PRKN: variants seen among roughly 807,000 people sequenced by gnomAD.
The protein encoded by PRKN is parkin RBR E3 ubiquitin protein ligase.
Under a neutral mutation model 59.5 loss-of-function variants are expected in PRKN, and 56 were observed. The observed-to-expected ratio is 0.94, with a 90% confidence interval of 0.76 to 1.18. The LOEUF (loss-of-function observed/expected upper bound fraction) is 1.18, where lower values mean the gene tolerates loss of function less well. Among genes scored for constraint, PRKN ranks in the 50% most tolerant of loss-of-function variants. The pLI, the probability that PRKN is intolerant of heterozygous loss-of-function variation, is 0.00. For synonymous variants in PRKN, 250 were observed against 222.1 expected, an observed-to-expected ratio of 1.13 and a Z score of -1.12; for missense variants, 657 against 596.4, an observed-to-expected ratio of 1.10 and a Z score of -1.06.
chr6:161,730,237 T>A (rs1384070442), intron 7 of PRKN, among the ~76,000 whole-genome samples: 1 of 150,846 alleles, frequency 6.6e-6, no homozygotes, highest in Non-Finnish European at 1.5e-5. Context: ...TTCTTTCTGA[T>A]ATGTTGCAGT....
At chr6:162,302,137 T>C (rs1050872638) in intron 2 of PRKN, among the ~76,000 whole-genome samples, 1 of 152,060 alleles carries the variant, frequency 6.6e-6, no homozygotes, top group African/African-American at 2.4e-5. Context: ...TCAAAATGTG[T>C]TTGCATTTAG....
At chr6:161,981,201 G>C (rs1781246316) in intron 5 of PRKN, among the ~76,000 whole-genome samples, 2 of 151,902 alleles carry the variant, frequency 1.3e-5, no homozygotes, top group African/African-American at 4.8e-5. Flanking sequence ...CTAAAATCCT[G>C]TTTGTAGCTA....
chr6:162,538,871 G>A (rs900961490), intron 1 of PRKN, among the ~76,000 whole-genome samples: 1 of 152,182 alleles, frequency 6.6e-6, no homozygotes, highest in African/African-American at 2.4e-5. Context: ...ACACATGCTT[G>A]GTAGCATGGG....
intron 7 of PRKN, among the ~76,000 whole-genome samples, chr6:161,613,746 C>T (rs956371096): frequency 2.6e-5 from 4 of 152,216 alleles, no homozygotes; most frequent in African/African-American, 9.6e-5. Context: ...TGGGCTGGAA[C>T]TGAATCTGCA....
chr6:161,674,312 T>C (rs1030556532), intron 7 of PRKN, among the ~76,000 whole-genome samples: 1 of 152,070 alleles, frequency 6.6e-6, no homozygotes, highest in Non-Finnish European at 1.5e-5. Flanking sequence ...TTATTTTTAA[T>C]CTAGTATCTC....
chr6:162,509,930 G>T (rs2128190070), intron 1 of PRKN, among the ~76,000 whole-genome samples: 1 of 152,208 alleles, frequency 6.6e-6, no homozygotes, highest in East Asian at 1.9e-4. Flanking sequence ...ATATACAAAA[G>T]AAAATAGGCA....
rs564157791 is a variant in PRKN at position 161,911,561 on chromosome 6, T to C, written c.734+61741A>G. ...GTCCCCCAACCCTGGATAATGTCTC[T>C]GTTTTCCATGTACCTAAAAACATTG... On this transcript the variant is annotated intron_variant, in intron 6 of 11. Transcript: ENST00000366898. Among the ~76,000 whole-genome samples, 12 of 152,326 alleles carry C rather than the reference T, an allele frequency of 7.9e-5. No homozygotes were observed. In the East Asian group the frequency reaches 2.3e-3, roughly 29 times the overall value.
intron 1 of PRKN, among the ~76,000 whole-genome samples, chr6:162,699,330 T>C (rs548014683): frequency 1.9e-4 from 29 of 151,958 alleles, no homozygotes; most frequent in Non-Finnish European, 3.2e-4. Context: ...TGCTGAAATA[T>C]GGGGAAAAGG....
intron 6 of PRKN, among the ~76,000 whole-genome samples, chr6:161,895,504 CCCA>C (rs1777581703): frequency 7.5e-6 from 1 of 132,932 alleles, no homozygotes; most frequent in African/African-American, 3.5e-5. Context: ...GTACGCCCAC[CCCA>C]CCTGCCGTTA....
intron 1 of PRKN, among the ~76,000 whole-genome samples, chr6:162,634,312 C>T (rs192925599): frequency 1.3e-5 from 2 of 152,238 alleles, no homozygotes; most frequent in East Asian, 3.9e-4. Flanking sequence ...CCTCCTCCTC[C>T]TCTTCCTTCC....
rs146388648 is a variant in PRKN at position 161,444,657 on chromosome 6, C to A, written c.1084-57780G>T. Among the ~76,000 whole-genome samples the A allele has an allele frequency of 5.3e-5, 8 of 152,314 alleles. No individual in the cohort carries two copies. In the South Asian group the frequency reaches 1.4e-3, roughly 28 times the overall value. Reference sequence around the variant, plus strand: ...TAATTCACTGTGCTCAGCCTGTCTGCGGGTAGCGAGGGCTCCTGAGTAACA... The same window carrying A: ...TAATTCACTGTGCTCAGCCTGTCTGAGGGTAGCGAGGGCTCCTGAGTAACA... On this transcript the variant is annotated intron_variant, in intron 9 of 11. Coordinates refer to ENST00000366898, the MANE Select transcript of PRKN (RefSeq NM_004562.3). This position sits in a 1 kb window ranked among gnomAD's most constrained non-coding sequence, Gnocchi z 5.6.
At chr6:162,303,843 T>C (rs1468565290) in intron 2 of PRKN, among the ~76,000 whole-genome samples, 14 of 152,048 alleles carry the variant, frequency 9.2e-5, no homozygotes. Flanking sequence ...ATGGCGTTGA[T>C]GGAACACAAG....
rs549272667 is a variant in PRKN at position 161,395,082 on chromosome 6, G to A, written c.1084-8205C>T. ...ATTCAAAAGGTACATTGTGAAAAAT[G>A]TCTCCTTTCCTCCTTGGTCAGCTAC... is the stretch of plus-strand genomic sequence containing the variant. On this transcript the variant is annotated intron_variant, in intron 9 of 11. Coordinates refer to ENST00000366898, the MANE Select transcript of PRKN (RefSeq NM_004562.3). The surrounding 1 kb of genome is among the most constrained non-coding windows in gnomAD (Gnocchi z 5.0). Among the ~76,000 whole-genome samples the A allele has an allele frequency of 6.6e-6, 1 of 152,254 alleles. No homozygotes were observed. The highest frequency in any genetic ancestry group is 1.5e-5 in the Non-Finnish European group (1 of 68,008).
Position 161,391,361 on chromosome 6 carries a change from T to G in PRKN, c.1084-4484A>C, listed in dbSNP as rs1786496610. ...GTATACCAGGAAACATGGAGTCCTG[T>G]TTATACCGTATACATTTTCAGGATT... is the stretch of plus-strand genomic sequence containing the variant. On this transcript the variant is annotated intron_variant, in intron 9 of 11. Transcript: ENST00000366898. This position sits in a 1 kb window ranked among gnomAD's most constrained non-coding sequence, Gnocchi z 4.9. Among the ~76,000 whole-genome samples the G allele has an allele frequency of 6.6e-6, 1 of 152,074 alleles. No individual in the cohort carries two copies. The highest frequency in any genetic ancestry group is 2.1e-4 in the South Asian group (1 of 4,834).
At chr6:161,601,899 C>T (rs1278228765) in intron 7 of PRKN, among the ~76,000 whole-genome samples, 1 of 152,062 alleles carries the variant, frequency 6.6e-6, no homozygotes, top group Non-Finnish European at 1.5e-5. Flanking sequence ...GATTTTAAGT[C>T]ATCATTATTT....
At chr6:162,209,409 A>G (rs1392385886) in intron 3 of PRKN, among the ~76,000 whole-genome samples, 1 of 152,206 alleles carries the variant, frequency 6.6e-6, no homozygotes, top group Non-Finnish European at 1.5e-5. Flanking sequence ...ATGAGATACC[A>G]TCTCATGCCA....
chr6:161,882,592 G>A (rs1229149589), intron 6 of PRKN, among the ~76,000 whole-genome samples: 1 of 151,490 alleles, frequency 6.6e-6, no homozygotes, highest in Non-Finnish European at 1.5e-5. Flanking sequence ...GGCTTCTCAA[G>A]TTTCACTTAC....
intron 1 of PRKN, among the ~76,000 whole-genome samples, chr6:162,550,245 T>C (rs993136186): frequency 6.6e-6 from 1 of 152,128 alleles, no homozygotes; most frequent in Non-Finnish European, 1.5e-5. Context: ...ACGAAGCCTG[T>C]CTTAGGTAGG....
chr6:162,476,472 T>C (rs1792022789), intron 1 of PRKN, among the ~76,000 whole-genome samples: 1 of 152,198 alleles, frequency 6.6e-6, no homozygotes, highest in Non-Finnish European at 1.5e-5. Flanking sequence ...ACTCATAAAC[T>C]GTGTAAATTC....
Sources: allele counts gnomAD v4.1 joint callset (sites outside exome capture counted in the v4.1 genomes callset), GRCh38; gene constraint gnomAD v4.1.1; non-coding constraint Gnocchi (gnomAD v3.1); transcripts MANE v1.5; gene names NCBI Gene and HGNC (gene_info 2026-07-23, HGNC 2026-07-21).